Variants in OTOGL observed in about 807,000 individuals in gnomAD.
The protein encoded by OTOGL is otogelin-like protein.
In OTOGL, 285 loss-of-function variants were observed where a neutral mutation model predicts 318.5. That is an observed-to-expected ratio of 0.89 (90% CI 0.81 to 0.99). The LOEUF is 0.99. Ranked by LOEUF, OTOGL falls within the 50% of genes least tolerant of loss-of-function variation. The probability of loss-of-function intolerance (pLI) is 0.00; values close to 1 mark genes in which losing one functional copy is unlikely to be tolerated. For missense variants in OTOGL, 2,899 were observed against 2,845.6 expected (o/e 1.02, Z -0.43); for synonymous variants, 987 against 936.5 (o/e 1.05, Z -0.99).
At chr12:80,150,776 C>T (rs1475936683) in intron 1 of OTOGL, among the ~76,000 whole-genome samples, 1 of 152,124 alleles carries the variant, frequency 6.6e-6, no homozygotes, top group East Asian at 1.9e-4. Context: ...TGGTAGTGTG[C>T]AGATTCTCTG....
At chr12:80,099,785 A>T (rs1204838808) in intron 1 of OTOGL, among the ~76,000 whole-genome samples, 180 bp downstream of exon 1, 1 of 152,210 alleles carries the variant, frequency 6.6e-6, no homozygotes, top group Non-Finnish European at 1.5e-5. Context: ...AAAATTAAAC[A>T]GCTCAAGAAT....
intron 17 of OTOGL, among the ~76,000 whole-genome samples, chr12:80,257,343 G>A: frequency 6.6e-6 from 1 of 150,504 alleles, no homozygotes; most frequent in Non-Finnish European, 1.5e-5. Context: ...TGACAACAGT[G>A]TAGAAGTGAC....
Position 80,377,188 on chromosome 12 carries a change from A to G in OTOGL, c.6847A>G (p.Met2283Val), listed in dbSNP as rs554314368. The G allele has an allele frequency of 4.4e-6, 7 of 1,605,856 alleles. No individual in the cohort carries two copies. The South Asian group carries it at 7.8e-5, about 18-fold the overall frequency. Reference sequence around the variant, plus strand: ...ATCGGTCATAAGGAAACAGGACTGTATGAGCCAAAGCCCTGTAAGTGGAAA... The same window carrying G: ...ATCGGTCATAAGGAAACAGGACTGTGTGAGCCAAAGCCCTGTAAGTGGAAA... ...IKSVIRKQDC[M>V]SQSPINVASC... The change falls in exon 58 of 59, where the codon ATG (methionine) becomes GTG (valine). Residue 2283 changes from methionine (M) to valine (V), a missense_variant. Physicochemically the swap from Met to Val is conservative, Grantham distance 21. Coordinates refer to ENST00000547103, the MANE Select transcript of OTOGL (RefSeq NM_001378609.3).
At chr12:80,288,813 C>A (rs2137668318) in intron 26 of OTOGL, among the ~76,000 whole-genome samples, 1 of 152,094 alleles carries the variant, frequency 6.6e-6, no homozygotes, top group East Asian at 1.9e-4. Context: ...TATCAAGGTT[C>A]TTAGCTTCTT....
chr12:80,312,120 A>AT (rs1184834429), intron 30 of OTOGL, among the ~76,000 whole-genome samples: 35 of 152,210 alleles, frequency 2.3e-4, no homozygotes, highest in Admixed American at 2.2e-3. Context: ...AAAAAATGAT[A>AT]TTTTTTGAGT....
chr12:80,313,462 A>G lies in OTOGL; in HGVS notation c.3451-14A>G. On this transcript the variant is annotated splice_polypyrimidine_tract_variant and intron_variant, in intron 30 of 58. Coordinates refer to ENST00000547103, the MANE Select transcript of OTOGL (RefSeq NM_001378609.3). ...ATCTATTGAAATTAAGTAATCTTTC[A>G]CCTCATTTTTCAGATTGACGTTACT... The G allele has an allele frequency of 6.3e-7, 1 of 1,592,592 alleles. No homozygotes were observed. Among genetic ancestry groups the G allele is most frequent in the Non-Finnish European group, 8.6e-7 (1 of 1,161,756 alleles).
intron 52 of OTOGL, among the ~76,000 whole-genome samples, chr12:80,366,046 T>C (rs1890507657): frequency 6.6e-6 from 1 of 152,150 alleles, no homozygotes; most frequent in Non-Finnish European, 1.5e-5. Flanking sequence ...TTTACATATA[T>C]TGATCCATTT....
rs999073394 is a variant in OTOGL at position 80,177,390 on chromosome 12, C to T, written c.-19-32023C>T. ...AGATTATCCTTGCCCCATTGAATTG[C>T]CTCAGCACCTTTTTTGAAAACTAAT... On this transcript the variant is annotated intron_variant, in intron 1 of 58. Transcript: ENST00000547103. Among the ~76,000 whole-genome samples the T allele has an allele frequency of 2.6e-5, 4 of 152,204 alleles. No individual in the cohort carries two copies. The East Asian group carries it at 7.7e-4, about 29-fold the overall frequency.
chr12:80,312,892 A>T (rs1043655650), intron 30 of OTOGL, among the ~76,000 whole-genome samples: 15 of 151,830 alleles, frequency 9.9e-5, no homozygotes, highest in African/African-American at 3.1e-4. Flanking sequence ...GCTCACTGCA[A>T]CCTCCGCCTC....
At chr12:80,239,621 A>C (rs112534544) in intron 11 of OTOGL, among the ~76,000 whole-genome samples, 182 bp downstream of exon 11, 49 of 152,246 alleles carry the variant, frequency 3.2e-4, no homozygotes, top group African/African-American at 1.2e-3. Flanking sequence ...TTTTTTATTG[A>C]TACATAGTAG....
intron 30 of OTOGL, 47 bp downstream of exon 30, chr12:80,310,774 G>C: frequency 2.8e-6 from 4 of 1,440,582 alleles, no homozygotes; most frequent in Non-Finnish European, 3.8e-6. Context: ...ATGTTCTACT[G>C]TGTCTATAAT....
At chr12:80,296,194 A>C (rs1029989874) in intron 26 of OTOGL, among the ~76,000 whole-genome samples, 1 of 152,218 alleles carries the variant, frequency 6.6e-6, no homozygotes, top group Admixed American at 6.5e-5. Context: ...TAGGAATTTG[A>C]ACTCTGATCC....
At chr12:80,123,715 T>A (rs999941497) in intron 1 of OTOGL, among the ~76,000 whole-genome samples, 4 of 152,156 alleles carry the variant, frequency 2.6e-5, no homozygotes, top group African/African-American at 9.7e-5. Flanking sequence ...TCCTGACTTT[T>A]TAATGATTGC....
At chr12:80,219,997 T>C in intron 6 of OTOGL, 85 bp downstream of exon 6, 1 of 990,760 alleles carries the variant, frequency 1.0e-6, no homozygotes, top group Non-Finnish European at 1.5e-6. Context: ...TGTTCATCCA[T>C]TGGGAGTTGT....
intron 33 of OTOGL, among the ~76,000 whole-genome samples, 170 bp downstream of exon 33, chr12:80,318,883 T>C (rs751921350): frequency 1.3e-5 from 2 of 152,216 alleles, no homozygotes; most frequent in African/African-American, 2.4e-5. Context: ...CTCTTTTGTA[T>C]ACAAAATCAT....
chr12:80,250,761 G>A (rs1295693950), intron 11 of OTOGL, among the ~76,000 whole-genome samples: 1 of 152,142 alleles, frequency 6.6e-6, no homozygotes, highest in Non-Finnish European at 1.5e-5. Flanking sequence ...ACAAAATGCA[G>A]CATTCTTAAG....
Position 80,336,558 on chromosome 12 carries a change from G to T in OTOGL, c.4743+3G>T. Reference sequence around the variant, plus strand: ...TCGAAAAATGTTCCATGAATCAGGTGGGTCATAATTTATTTTTGCAGTCAT... The same window carrying T: ...TCGAAAAATGTTCCATGAATCAGGTTGGTCATAATTTATTTTTGCAGTCAT... On this transcript the variant is annotated splice_donor_region_variant and intron_variant, in intron 40 of 58. Transcript: ENST00000547103. 6.2e-7 allele frequency: 1 copy of T among 1,602,972 alleles called. No individual in the cohort carries two copies. The highest frequency in any genetic ancestry group is 1.1e-5 in the South Asian group (1 of 89,396).
At chr12:80,296,352 T>G (rs1321571551) in intron 26 of OTOGL, among the ~76,000 whole-genome samples, 2 of 152,236 alleles carry the variant, frequency 1.3e-5, no homozygotes, top group African/African-American at 4.8e-5. Flanking sequence ...AACCAAGCTC[T>G]CAAATAATAC....
At chr12:80,306,301 A>G (rs535063207) in intron 29 of OTOGL, among the ~76,000 whole-genome samples, 2 of 152,306 alleles carry the variant, frequency 1.3e-5, no homozygotes, top group South Asian at 4.1e-4. Context: ...CTGACATAAT[A>G]TATATTTTTA....
Sources: allele counts gnomAD v4.1 joint callset (sites outside exome capture counted in the v4.1 genomes callset), GRCh38; gene constraint gnomAD v4.1.1; transcripts MANE v1.5; gene names NCBI Gene and HGNC (gene_info 2026-07-23, HGNC 2026-07-21).